The following USP28 variants were observed in gnomAD, a reference collection of about 807,000 sequenced individuals.
The protein encoded by USP28 is ubiquitin carboxyl-terminal hydrolase 28.
Under a neutral mutation model 145.0 loss-of-function variants are expected in USP28, and 113 were observed. The observed-to-expected ratio is 0.78, with a 90% CI of 0.67 to 0.91. USP28 has a LOEUF of 0.91. USP28 is among the 40% of genes least tolerant of loss of function. USP28 has a pLI of 0.00. For missense variants in USP28, 1,201 were observed against 1,289.6 expected, an observed-to-expected ratio of 0.93 and a Z score of 1.05; for synonymous variants, 447 against 450.9, an observed-to-expected ratio of 0.99 and a Z score of 0.11.
intron 1 of USP28, among the ~76,000 whole-genome samples, chr11:113,866,254 T>C (rs1402484072): frequency 2.0e-5 from 3 of 151,870 alleles, no homozygotes; most frequent in Non-Finnish European, 4.4e-5. Flanking sequence ...ATCAGACCAC[T>C]GCACTCCAGC....
intron 2 of USP28, among the ~76,000 whole-genome samples, chr11:113,853,707 T>C (rs1946728748): frequency 6.6e-6 from 1 of 151,914 alleles, no homozygotes; most frequent in Non-Finnish European, 1.5e-5. Flanking sequence ...AAACCCCGTC[T>C]CTACTAAAAA....
intron 11 of USP28, among the ~76,000 whole-genome samples, chr11:113,825,275 G>A (rs912348209): frequency 2.6e-5 from 4 of 152,118 alleles, no homozygotes; most frequent in Non-Finnish European, 5.9e-5. Flanking sequence ...TGGGGGAAAA[G>A]GAAATATAAA....
chr11:113,875,333 G>T (rs1428764296), intron 1 of USP28, 112 bp downstream of exon 1: 1 of 929,742 alleles, frequency 1.1e-6, no homozygotes, highest in Non-Finnish European at 1.3e-6. Context: ...CCCCTGTCCC[G>T]CCCGGCCGGG....
rs1938966536 is a variant in USP28 at position 113,801,287 on chromosome 11, G to C, written c.3058+196C>G. 2.0e-5 allele frequency among the ~76,000 whole-genome samples: 3 copies of C among 152,152 alleles called. No individual in the cohort carries two copies. The South Asian group carries it at 6.2e-4, about 32-fold the overall frequency. On this transcript the variant is annotated intron_variant, in intron 24 of 24. Transcript: ENST00000003302. ...GAGGTGATTTGGCAGTCATGGGGAA[G>C]CTAAAGGGAGGTTAAGAGGGGCAGA...
intron 11 of USP28, among the ~76,000 whole-genome samples, 168 bp downstream of exon 11, chr11:113,827,064 AC>A (rs1943458229): frequency 1.3e-5 from 2 of 152,080 alleles, no homozygotes; most frequent in Admixed American, 6.6e-5. Flanking sequence ...CATGAGCACA[AC>A]CCTGGGAGGT....
At chr11:113,815,067 C>T (rs1941521131) in intron 14 of USP28, 107 bp downstream of exon 14, 1 of 985,450 alleles carries the variant, frequency 1.0e-6, no homozygotes, top group Non-Finnish European at 1.5e-6. Context: ...GGGGGAAATT[C>T]TGTAGCATGT....
chr11:113,827,095 C>A, intron 11 of USP28, 138 bp downstream of exon 11: 1 of 1,080,200 alleles, frequency 9.3e-7, no homozygotes, highest in Non-Finnish European at 1.3e-6. Flanking sequence ...AGGCAAAGAC[C>A]CTCAACCTAG....
intron 1 of USP28, among the ~76,000 whole-genome samples, chr11:113,857,990 C>T (rs1280425727): frequency 6.6e-6 from 1 of 152,020 alleles, no homozygotes. Context: ...CTCAGCTTCC[C>T]GAGTAGTTGG....
At position 113,841,275 on chromosome 11, in the gene USP28, A is replaced by G. The variant is rs113739400; in HGVS notation, c.374+388T>C. Among the ~76,000 whole-genome samples, 1,441 of 152,334 alleles carry G rather than the reference A, an allele frequency of 9.5e-3. 25 individuals are homozygous for G. Among genetic ancestry groups the G allele is most frequent in the African/African-American group, 0.033 (1,354 of 41,576 alleles). Reference sequence around the variant, plus strand: ...CAACCACCCAATTAGTACCAGTTCAAAAAAATAGATTCCTTGATCACTTAT... The same window carrying G: ...CAACCACCCAATTAGTACCAGTTCAGAAAAATAGATTCCTTGATCACTTAT... On this transcript the variant is annotated intron_variant, in intron 4 of 24. Transcript: ENST00000003302.
chr11:113,860,010 G>A (rs2136761157), intron 1 of USP28, among the ~76,000 whole-genome samples: 1 of 152,250 alleles, frequency 6.6e-6, no homozygotes, highest in South Asian at 2.1e-4. Context: ...GATTTTCTTA[G>A]AGCAAAAACA....
exon 3 of USP28, chr11:113,852,633 C>T: frequency 6.2e-7 from 1 of 1,613,186 alleles, no homozygotes; most frequent in South Asian, 1.1e-5. Flanking sequence ...CCATTACTGG[C>T]CTATGGGAGA....
intron 1 of USP28, among the ~76,000 whole-genome samples, chr11:113,862,799 C>T (rs532908632): frequency 6.6e-6 from 1 of 152,078 alleles, no homozygotes; most frequent in African/African-American, 2.4e-5. Flanking sequence ...CAATGGTCAC[C>T]TTGATTGATA....
chr11:113,806,344 C>A, intron 19 of USP28, 145 bp downstream of exon 20: 1 of 638,060 alleles, frequency 1.6e-6, no homozygotes, highest in Non-Finnish European at 2.7e-6. Context: ...AAGTGAGCCT[C>A]TACTTCAGCT....
At chr11:113,828,024 TAA>T (rs200097951) in intron 10 of USP28, among the ~76,000 whole-genome samples, 3 of 152,154 alleles carry the variant, frequency 2.0e-5, no homozygotes, top group Non-Finnish European at 4.4e-5. Flanking sequence ...GGCACTGACA[TAA>T]AAAAGACTCA....
At chr11:113,816,632 C>A (rs1158688650) in intron 13 of USP28, among the ~76,000 whole-genome samples, 1 of 151,992 alleles carries the variant, frequency 6.6e-6, no homozygotes, top group Non-Finnish European at 1.5e-5. Context: ...AAAAATAAGC[C>A]CAACAAGGGA....
intron 18 of USP28, among the ~76,000 whole-genome samples, chr11:113,807,592 G>T (rs1419809109): frequency 6.6e-6 from 1 of 151,934 alleles, no homozygotes; most frequent in Admixed American, 6.6e-5. Flanking sequence ...TTTATATCTG[G>T]AGGTAAAACA....
chr11:113,801,615 T>C (rs901358699), exon 24 of USP28: 2 of 1,609,876 alleles, frequency 1.2e-6, no homozygotes, highest in Non-Finnish European at 1.7e-6. Flanking sequence ...ATCACATTAA[T>C]GCCCTCAGTT....
At chr11:113,802,178 T>C (rs564981602) in intron 23 of USP28, among the ~76,000 whole-genome samples, 2 of 152,316 alleles carry the variant, frequency 1.3e-5, no homozygotes, top group South Asian at 2.1e-4. Flanking sequence ...ATCCCTATAA[T>C]TGCATTACTT....
At chr11:113,841,879 A>G (rs1332728666) in intron 3 of USP28, 111 bp from the exon 4 acceptor site, 2 of 602,940 alleles carry the variant, frequency 3.3e-6, no homozygotes, top group African/African-American at 1.9e-5. Context: ...ACAATGGCTC[A>G]ACTGTGTAAC....
Sources: allele counts gnomAD v4.1 joint callset (sites outside exome capture counted in the v4.1 genomes callset), GRCh38; gene constraint gnomAD v4.1.1; transcripts MANE v1.5; gene names NCBI Gene and HGNC (gene_info 2026-07-23, HGNC 2026-07-21).